The following SGCZ variants were observed in gnomAD, a reference collection of about 807,000 sequenced individuals.
SGCZ encodes the protein zeta-sarcoglycan.
A neutral mutation model predicts 41.3 loss-of-function variants in SGCZ; 40 were observed. That is an observed-to-expected ratio of 0.97 (90% CI 0.75 to 1.26). SGCZ has a LOEUF of 1.26. Ranked by LOEUF, SGCZ falls within the 50% of genes most tolerant of loss-of-function variation. The probability of loss-of-function intolerance (pLI) is 0.00; values close to 1 mark genes in which losing one functional copy is unlikely to be tolerated. For synonymous variants in SGCZ, 206 were observed against 137.5 expected, an observed-to-expected ratio of 1.50 and a Z score of -3.49; for missense variants, 552 against 369.8, an observed-to-expected ratio of 1.49 and a Z score of -4.04.
chr8:14,732,629 G>A (rs1798898045), intron 1 of SGCZ, among the ~76,000 whole-genome samples: 1 of 152,170 alleles, frequency 6.6e-6, no homozygotes, highest in Admixed American at 6.5e-5. Context: ...AGAAGACTGA[G>A]CTGCTGTTTT....
At chr8:14,648,791 A>G (rs1807306241) in intron 1 of SGCZ, among the ~76,000 whole-genome samples, 1 of 152,086 alleles carries the variant, frequency 6.6e-6, no homozygotes, top group Admixed American at 6.6e-5. Flanking sequence ...AAAAACCAAT[A>G]ATATCTGAAT....
intron 1 of SGCZ, among the ~76,000 whole-genome samples, chr8:15,135,836 G>A (rs1808082325): frequency 6.6e-6 from 1 of 152,166 alleles, no homozygotes; most frequent in Admixed American, 6.5e-5. Context: ...CAGCAGCAGA[G>A]GGATTGCTCC....
At chr8:14,639,516 T>G (rs558919200) in intron 1 of SGCZ, among the ~76,000 whole-genome samples, 1 of 151,798 alleles carries the variant, frequency 6.6e-6, no homozygotes, top group African/African-American at 2.4e-5. Context: ...ATCAGTAGAT[T>G]TCAAAATATA....
chr8:15,117,400 C>T (rs1461329450), intron 1 of SGCZ, among the ~76,000 whole-genome samples: 1 of 151,970 alleles, frequency 6.6e-6, no homozygotes, highest in Non-Finnish European at 1.5e-5. Context: ...CTCTAATGTG[C>T]TGGGCATTGA....
At chr8:15,176,602 T>C (rs890420872) in intron 1 of SGCZ, among the ~76,000 whole-genome samples, 9 of 152,220 alleles carry the variant, frequency 5.9e-5, no homozygotes, top group African/African-American at 2.2e-4. Context: ...CTCACCTTAC[T>C]GAACAATTTA....
intron 1 of SGCZ, among the ~76,000 whole-genome samples, chr8:14,696,023 C>T (rs890035214): frequency 5.3e-5 from 8 of 152,054 alleles, no homozygotes; most frequent in African/African-American, 1.7e-4. Flanking sequence ...AATTGTTTCA[C>T]CCTACATATC....
chr8:14,552,894 T>A (rs1438620923), intron 2 of SGCZ, among the ~76,000 whole-genome samples: 1 of 152,074 alleles, frequency 6.6e-6, no homozygotes, highest in Non-Finnish European at 1.5e-5. Flanking sequence ...GAATCAATGC[T>A]CCCTGAAGTG....
chr8:14,120,936 T>C (rs1255940786), intron 5 of SGCZ, among the ~76,000 whole-genome samples: 3 of 152,084 alleles, frequency 2.0e-5, no homozygotes, highest in Non-Finnish European at 4.4e-5. Context: ...TGATTCTAAA[T>C]CTCTATAGAA....
rs568166446 is a variant in SGCZ, at chr8:14,761,828, C to T, written c.40-206902G>A. On this transcript the variant is annotated intron_variant, in intron 1 of 7. Coordinates refer to ENST00000382080, the MANE Select transcript of SGCZ (RefSeq NM_139167.4). ...GTGTGAAGGTGTGAGCCATCACATC[C>T]GGCCCTGAATTGCAGATGTTTCTAA... is the stretch of plus-strand genomic sequence containing the variant. Among the ~76,000 whole-genome samples, 9 of 152,134 alleles carry T rather than the reference C, an allele frequency of 5.9e-5. No homozygotes were observed. In the South Asian group the frequency reaches 1.7e-3, roughly 28 times the overall value.
At chr8:14,271,618 A>T (rs988215068) in intron 3 of SGCZ, among the ~76,000 whole-genome samples, 1 of 152,182 alleles carries the variant, frequency 6.6e-6, no homozygotes, top group African/African-American at 2.4e-5. Context: ...AACTTCCTAT[A>T]TGCTTGTCCA....
At chr8:14,898,826 T>C (rs1805297089) in intron 1 of SGCZ, among the ~76,000 whole-genome samples, 1 of 152,186 alleles carries the variant, frequency 6.6e-6, no homozygotes, top group African/African-American at 2.4e-5. Flanking sequence ...GTTCAAGATG[T>C]CTCTATATTG....
At chr8:14,849,223 G>T (rs1803234426) in intron 1 of SGCZ, among the ~76,000 whole-genome samples, 1 of 152,028 alleles carries the variant, frequency 6.6e-6, no homozygotes. Flanking sequence ...CACTCTACTG[G>T]TGGAAATGTA....
At chr8:14,839,728 T>C (rs1802835037) in intron 1 of SGCZ, among the ~76,000 whole-genome samples, 1 of 152,164 alleles carries the variant, frequency 6.6e-6, no homozygotes, top group South Asian at 2.1e-4. Flanking sequence ...AAGTTATCTT[T>C]TGGCTTAAGT....
At chr8:14,678,273 G>C (rs1186859603) in intron 1 of SGCZ, among the ~76,000 whole-genome samples, 1 of 152,100 alleles carries the variant, frequency 6.6e-6, no homozygotes, top group Non-Finnish European at 1.5e-5. Flanking sequence ...CAGGCTAAGA[G>C]AAAATATTGT....
intron 4 of SGCZ, among the ~76,000 whole-genome samples, chr8:14,180,836 G>A (rs982665133): frequency 2.0e-5 from 3 of 151,860 alleles, no homozygotes; most frequent in African/African-American, 7.3e-5. Context: ...ATGGCTATGT[G>A]AACCTGAATT....
intron 1 of SGCZ, among the ~76,000 whole-genome samples, chr8:15,079,544 A>G (rs1426042451): frequency 6.6e-6 from 1 of 152,234 alleles, no homozygotes; most frequent in Non-Finnish European, 1.5e-5. Context: ...TAACTTTACT[A>G]GGCTATATTT....
At chr8:14,568,798 C>T (rs540031706) in intron 1 of SGCZ, among the ~76,000 whole-genome samples, 36 of 152,298 alleles carry the variant, frequency 2.4e-4, no homozygotes, top group African/African-American at 8.7e-4. Flanking sequence ...GTGCCATTTA[C>T]TCCATCATTA....
chr8:14,902,875 A>T (rs117887909), intron 1 of SGCZ, among the ~76,000 whole-genome samples: 3 of 152,264 alleles, frequency 2.0e-5, no homozygotes, highest in Non-Finnish European at 4.4e-5. Context: ...TACTTTAGTT[A>T]TATTTATTTC....
rs145843188 is a variant in SGCZ, at chr8:14,466,485, C to A, written c.234+88247G>T. Among the ~76,000 whole-genome samples the A allele has an allele frequency of 5.2e-3, 794 of 152,014 alleles. 5 individuals carry two copies. Among genetic ancestry groups the A allele is most frequent in the African/African-American group, 0.018 (740 of 41,520 alleles). On this transcript the variant is annotated intron_variant, in intron 2 of 7. Coordinates refer to ENST00000382080, the MANE Select transcript of SGCZ (RefSeq NM_139167.4). ...GTTTATTATACTTGGAGCCACTGAG[C>A]TCCTTGGATCTTTATACTCTTGAAA...
Sources: allele counts gnomAD v4.1 joint callset (sites outside exome capture counted in the v4.1 genomes callset), GRCh38; gene constraint gnomAD v4.1.1; transcripts MANE v1.5; gene names NCBI Gene and HGNC (gene_info 2026-07-23, HGNC 2026-07-21).